JAKMIP3: variants seen among roughly 807,000 people sequenced by gnomAD.
JAKMIP3 encodes the protein janus kinase and microtubule-interacting protein 3.
In JAKMIP3, 58 loss-of-function variants were observed where a neutral mutation model predicts 118.5. That is an observed-to-expected ratio of 0.49 (90% CI 0.40 to 0.61). The LOEUF (loss-of-function observed/expected upper bound fraction) is 0.61. Among genes scored for constraint, JAKMIP3 ranks in the 20% least tolerant of loss-of-function variants. The pLI, the probability that JAKMIP3 is intolerant of heterozygous loss-of-function variation, is 0.00. For missense variants in JAKMIP3, 950 were observed against 1,109.0 expected, an observed-to-expected ratio of 0.86 and a Z score of 2.04; for synonymous variants, 486 against 451.2, an observed-to-expected ratio of 1.08 and a Z score of -0.98.
rs917492607 is a variant in JAKMIP3, at chr10:132,183,999, A to C, written c.*2746A>C. 1.3e-5 allele frequency: 2 copies of C among 152,222 alleles called. No homozygotes were observed. Among genetic ancestry groups the C allele is most frequent in the Non-Finnish European group, 2.9e-5 (2 of 68,038 alleles). The allele number at this position is 152,222 out of a possible 1,614,324, so 9.4% of individuals were successfully genotyped here. On this transcript the variant is annotated 3_prime_UTR_variant, in exon 24 of 24. Coordinates refer to ENST00000684848, the MANE Select transcript of JAKMIP3 (RefSeq NM_001323087.2). ...CTTCTAACAGGGGAAGTCTGTATGAATGCATCACCCCCTAATAAGGCAAGA... is the reference window on the plus strand; with the variant it reads ...CTTCTAACAGGGGAAGTCTGTATGACTGCATCACCCCCTAATAAGGCAAGA...
chr10:132,114,814 CGT>C (rs1256832228), intron 2 of JAKMIP3, among the ~76,000 whole-genome samples: 4 of 152,022 alleles, frequency 2.6e-5, no homozygotes, highest in Admixed American at 6.6e-5. Context: ...AGGTCTTGGG[CGT>C]GTTTTCTAAC....
chr10:132,183,896 G>T lies in JAKMIP3; in HGVS notation c.*2643G>T, dbSNP rs1241378114. On this transcript the variant is annotated 3_prime_UTR_variant, in exon 24 of 24. Coordinates refer to ENST00000684848, the MANE Select transcript of JAKMIP3 (RefSeq NM_001323087.2). ...TAAAAATAAGGTGCATTTCTAAATTGCAGGCTATACCTTCTTTTCCAAACC... is the reference window on the plus strand; with the variant it reads ...TAAAAATAAGGTGCATTTCTAAATTTCAGGCTATACCTTCTTTTCCAAACC... 6.6e-6 allele frequency: 1 copy of T among 152,200 alleles called. No individual in the cohort carries two copies. The highest frequency in any genetic ancestry group is 1.5e-5 in the Non-Finnish European group (1 of 68,050). 9.4% of individuals were successfully genotyped at this position (152,200 alleles called of 1,614,324 possible). A position where few individuals can be genotyped will look rare whatever the true frequency, so the allele number is the denominator to read the frequency against.
At chr10:132,057,646 C>T (rs564433540) in intron 1 of JAKMIP3, among the ~76,000 whole-genome samples, 3 of 152,340 alleles carry the variant, frequency 2.0e-5, no homozygotes, top group South Asian at 2.1e-4. Flanking sequence ...GTGTGTTCTC[C>T]GCTTGGCCTT....
chr10:132,125,816 T>A (rs537128868), intron 3 of JAKMIP3, among the ~76,000 whole-genome samples: 25 of 152,368 alleles, frequency 1.6e-4, no homozygotes, highest in African/African-American at 6.0e-4. Flanking sequence ...TTGATTTTTA[T>A]ATCGATCTTC....
intron 2 of JAKMIP3, 127 bp downstream of exon 2, chr10:132,105,070 C>T (rs112564062): frequency 0.029 from 32,513 of 1,122,062 alleles, 939 homozygotes; most frequent in South Asian, 0.13. Flanking sequence ...CTAAAGGCTG[C>T]TTGGGACAGA....
rs2047932241 is a variant in JAKMIP3 at position 132,117,692 on chromosome 10, C to G, written c.633+118C>G. ...GGGCTCGGGGAGCACGCGGGCAGCA[C>G]CGGCTTCACCCCCCATGACATTCTT... On this transcript the variant is annotated intron_variant, in intron 3 of 23. Transcript: ENST00000684848. This position sits in a 1 kb window ranked among gnomAD's most constrained non-coding sequence, Gnocchi z 8.6. The G allele has an allele frequency of 1.7e-6, 2 of 1,152,076 alleles. No individual in the cohort carries two copies. 71.4% of individuals were successfully genotyped at this position (1,152,076 alleles called of 1,614,324 possible).
At chr10:132,143,368 G>A (rs2053954334) in intron 11 of JAKMIP3, among the ~76,000 whole-genome samples, 1 of 152,106 alleles carries the variant, frequency 6.6e-6, no homozygotes, top group Non-Finnish European at 1.5e-5. Context: ...CTCACAGCGG[G>A]GGCGGGGCAA....
Position 132,126,867 on chromosome 10 carries a change from A to G in JAKMIP3, c.634-6445A>G, listed in dbSNP as rs151244913. The stretch of plus-strand genomic sequence containing the variant: ...CCATGATATATTGTCTATTTTATAT[A>G]TAAGTATACACTGGATTTAGGATTT... On this transcript the variant is annotated intron_variant, in intron 3 of 23. Coordinates refer to ENST00000684848, the MANE Select transcript of JAKMIP3 (RefSeq NM_001323087.2). 3.6e-3 allele frequency among the ~76,000 whole-genome samples: 541 copies of G among 152,332 alleles called. 6 individuals are homozygous for G. The highest frequency in any genetic ancestry group is 0.013 in the African/African-American group (526 of 41,572).
At chr10:132,093,237 G>A (rs1282131976) in intron 1 of JAKMIP3, among the ~76,000 whole-genome samples, 1 of 152,260 alleles carries the variant, frequency 6.6e-6, no homozygotes, top group African/African-American at 2.4e-5. Context: ...TGAGGGGGCA[G>A]TCTGTCCATT....
At chr10:132,102,878 G>C (rs917604435) in intron 1 of JAKMIP3, among the ~76,000 whole-genome samples, 25 of 152,236 alleles carry the variant, frequency 1.6e-4, no homozygotes, top group Admixed American at 1.6e-3. Context: ...AGGAGTAGGG[G>C]GGGAGGGCTG....
chr10:132,046,404 C>G (rs981955833), intron 1 of JAKMIP3, among the ~76,000 whole-genome samples: 3 of 150,876 alleles, frequency 2.0e-5, no homozygotes, highest in Non-Finnish European at 3.0e-5. Flanking sequence ...TGCAGTGAGC[C>G]GAGATCGCGC....
Position 132,154,003 on chromosome 10 carries a change from A to C in JAKMIP3, c.2220+13A>C. On this transcript the variant is annotated intron_variant, in intron 19 of 23. Coordinates refer to ENST00000684848, the MANE Select transcript of JAKMIP3 (RefSeq NM_001323087.2). The stretch of plus-strand genomic sequence containing the variant: ...CCAGGCCAACAAGGTGAGAGGCACG[A>C]GACTGCTGGAACCCCGGGGAGGGGC... 2 of 1,612,168 alleles carry C rather than the reference A, an allele frequency of 1.2e-6. No homozygotes were observed. Among genetic ancestry groups the C allele is most frequent in the Non-Finnish European group, 8.5e-7 (1 of 1,179,284 alleles).
chr10:132,180,676 CGCGCGCGTGTGTGTGCGTGCGTGTGTGT>C lies in JAKMIP3; in HGVS notation c.*1104-1679_*1104-1652del, dbSNP rs1319030605. Reference sequence around the variant, plus strand: ...GCGTGTGCGTGTGTGCGTGTGTGTGCGCGCGCGTGTGTGTGCGTGCGTGTGTGTGTGCGCGTGTGTGTGCGTGTGTGTG... The same window carrying C: ...GCGTGTGCGTGTGTGCGTGTGTGTGCGTGCGCGTGTGTGTGCGTGTGTGTG... On this transcript the variant is annotated intron_variant, in intron 23 of 23. Coordinates refer to ENST00000684848, the MANE Select transcript of JAKMIP3 (RefSeq NM_001323087.2). Among the ~76,000 whole-genome samples the C allele has an allele frequency of 4.6e-3, 21 of 4,574 alleles. 9 individuals carry two copies. The highest frequency in any genetic ancestry group is 9.4e-3 in the Non-Finnish European group (21 of 2,238). 3.0% of individuals were successfully genotyped at this position (4,574 alleles called of 152,430 possible).
Position 132,044,487 on chromosome 10 carries a change from TGGCTGGTGCAGAGGAGGGTGC to T in JAKMIP3, c.-138+7753_-138+7773del, listed in dbSNP as rs760225448. ...GGAAGGCTGCTTGGGAAAACAGTTA[TGGCTGGTGCAGAGGAGGGTGC>T]GGCCGGTGCAGAGGAGGATGCAGGA... On this transcript the variant is annotated intron_variant, in intron 1 of 23. Coordinates refer to the JAKMIP3 transcript ENST00000657785. The surrounding 1 kb of genome is among the most constrained non-coding windows in gnomAD (Gnocchi z 5.3). Among the ~76,000 whole-genome samples the T allele has an allele frequency of 2.6e-5, 4 of 152,042 alleles. No homozygotes were observed. The highest frequency in any genetic ancestry group is 6.5e-5 in the Admixed American group (1 of 15,268).
In JAKMIP3 at chr10:132,180,543, GTGCGTGCGTGCA is replaced by G. The variant is rs1320411186; in HGVS notation, c.*1104-1807_*1104-1796del. ...CAGAACTGTGTGTGTGTGTGTGTGT[GTGCGTGCGTGCA>G]TGCGTGTGTGTGCGTGTGTGTGTGC... On this transcript the variant is annotated intron_variant, in intron 23 of 23. Transcript: ENST00000684848. Among the ~76,000 whole-genome samples the G allele has an allele frequency of 5.4e-3, 184 of 34,354 alleles. 18 individuals are homozygous for G. The highest frequency in any genetic ancestry group is 6.3e-3 in the Non-Finnish European group (125 of 19,756). The allele number at this position is 34,354 out of a possible 152,430, so 22.5% of individuals were successfully genotyped here.
At chr10:132,139,196 ATGAG>A (rs1276944991) in intron 9 of JAKMIP3, among the ~76,000 whole-genome samples, 10 of 65,534 alleles carry the variant, frequency 1.5e-4, no homozygotes, top group Admixed American at 2.8e-4. Flanking sequence ...ATGTGTGTGT[ATGAG>A]TGTGTGTGTG....
At chr10:132,057,640 GT>G (rs2038273548) in intron 1 of JAKMIP3, among the ~76,000 whole-genome samples, 1 of 152,238 alleles carries the variant, frequency 6.6e-6, no homozygotes, top group African/African-American at 2.4e-5. Context: ...GCACGTGTGT[GT>G]TCTCCGCTTG....
intron 1 of JAKMIP3, among the ~76,000 whole-genome samples, chr10:132,040,096 G>C (rs2037677784): frequency 6.6e-6 from 1 of 152,182 alleles, no homozygotes; most frequent in Non-Finnish European, 1.5e-5. Context: ...GTTGCGCTCT[G>C]ACCCCCAATG....
upstream of JAKMIP3, among the ~76,000 whole-genome samples, chr10:132,060,746 G>A (rs1490829849): frequency 6.6e-6 from 1 of 152,218 alleles, no homozygotes; most frequent in Non-Finnish European, 1.5e-5. Flanking sequence ...ATGGCCAGGT[G>A]CAGTGGCTCA....
Sources: allele counts gnomAD v4.1 joint callset (sites outside exome capture counted in the v4.1 genomes callset), GRCh38; gene constraint gnomAD v4.1.1; non-coding constraint Gnocchi (gnomAD v3.1); transcripts MANE v1.5; gene names NCBI Gene and HGNC (gene_info 2026-07-23, HGNC 2026-07-21).